The following FHIT variants were observed in gnomAD, a reference collection of about 807,000 sequenced individuals.
The protein encoded by FHIT is fragile histidine triad diadenosine triphosphatase.
In FHIT, 19 loss-of-function variants were observed where a neutral mutation model predicts 17.9. That is an observed-to-expected ratio of 1.06 (90% CI 0.74 to 1.56). The LOEUF is 1.56. FHIT is among the 40% of genes most tolerant of loss of function. The pLI is 0.00. For synonymous variants in FHIT, 81 were observed against 69.7 expected, an observed-to-expected ratio of 1.16 and a Z score of -0.81; for missense variants, 248 against 189.2, an observed-to-expected ratio of 1.31 and a Z score of -1.82.
At chr3:60,720,401 T>C (rs1211331922) in intron 4 of FHIT, among the ~76,000 whole-genome samples, 5 of 152,202 alleles carry the variant, frequency 3.3e-5, no homozygotes, top group Admixed American at 6.5e-5. Flanking sequence ...AATTAATGAA[T>C]GTTCATTCAT....
intron 8 of FHIT, among the ~76,000 whole-genome samples, chr3:59,908,259 G>A: frequency 6.6e-6 from 1 of 152,222 alleles, no homozygotes; most frequent in East Asian, 1.9e-4. Context: ...AATTCTGGTA[G>A]TACACAGCTT....
intron 1 of FHIT, among the ~76,000 whole-genome samples, chr3:61,228,678 A>C (rs893408855): frequency 3.3e-5 from 5 of 152,200 alleles, no homozygotes; most frequent in Non-Finnish European, 5.9e-5. Flanking sequence ...TCTTATCTAG[A>C]GTTCAACCTG....
chr3:60,453,470 G>A (rs996043225), intron 5 of FHIT, among the ~76,000 whole-genome samples: 1 of 152,148 alleles, frequency 6.6e-6, no homozygotes, highest in African/African-American at 2.4e-5. Context: ...CACCAGGCTA[G>A]GATGCAACAT....
intron 5 of FHIT, among the ~76,000 whole-genome samples, chr3:60,133,615 G>T (rs1699688175): frequency 6.6e-6 from 1 of 152,046 alleles, no homozygotes; most frequent in Admixed American, 6.6e-5. Flanking sequence ...CTGAGAGTGT[G>T]GGGACCAGGG....
At chr3:60,534,443 A>G (rs895145530) in intron 5 of FHIT, among the ~76,000 whole-genome samples, 1 of 100,416 alleles carries the variant, frequency 1.0e-5, no homozygotes, top group African/African-American at 3.6e-5. Context: ...CCGTCTCAAA[A>G]AAAAAAAAAA....
chr3:60,807,838 C>T (rs1265263571), intron 4 of FHIT, among the ~76,000 whole-genome samples: 1 of 117,512 alleles, frequency 8.5e-6, no homozygotes, highest in Admixed American at 8.2e-5. Flanking sequence ...GCAAATTTTA[C>T]TAAAAAAAAA....
At chr3:60,354,636 G>C (rs1213349157) in intron 5 of FHIT, among the ~76,000 whole-genome samples, 2 of 149,692 alleles carry the variant, frequency 1.3e-5, no homozygotes, top group South Asian at 2.1e-4. Flanking sequence ...TCACTGCTGA[G>C]AGTGAATATA....
intron 5 of FHIT, among the ~76,000 whole-genome samples, chr3:60,436,507 G>T (rs959650635): frequency 6.6e-6 from 1 of 152,038 alleles, no homozygotes; most frequent in African/African-American, 2.4e-5. Context: ...ACCAACAGAA[G>T]CTCTAGGCTT....
At chr3:60,886,656 G>A (rs1705235182) in intron 3 of FHIT, among the ~76,000 whole-genome samples, 2 of 152,116 alleles carry the variant, frequency 1.3e-5, no homozygotes, top group Admixed American at 6.5e-5. Flanking sequence ...GATTCCTGAA[G>A]AAACAAATTC....
At chr3:60,960,940 A>G (rs549381446) in intron 3 of FHIT, among the ~76,000 whole-genome samples, 4 of 152,224 alleles carry the variant, frequency 2.6e-5, no homozygotes, top group Non-Finnish European at 5.9e-5. Flanking sequence ...TCCTTTTGGT[A>G]AACACCCAGT....
At chr3:59,915,372 C>A (rs192268991) in intron 8 of FHIT, among the ~76,000 whole-genome samples, 1 of 152,056 alleles carries the variant, frequency 6.6e-6, no homozygotes, top group Non-Finnish European at 1.5e-5. Context: ...CACTAACATG[C>A]GATTGAACGT....
At chr3:60,923,593 C>T (rs1020398340) in intron 3 of FHIT, among the ~76,000 whole-genome samples, 1 of 152,002 alleles carries the variant, frequency 6.6e-6, no homozygotes, top group South Asian at 2.1e-4. Flanking sequence ...CCAAGATGGC[C>T]GAATAGGAAC....
In FHIT at chr3:59,956,720, T is replaced by C. The variant is rs116662878; in HGVS notation, c.280-34306A>G. ...AAAACTATGTACCTTACTTTAATCATCTGTAAAATGGGGATAAGAACAGTA... is the reference window on the plus strand; with the variant it reads ...AAAACTATGTACCTTACTTTAATCACCTGTAAAATGGGGATAAGAACAGTA... On this transcript the variant is annotated intron_variant, in intron 7 of 9. Transcript: ENST00000492590. 4.5e-3 allele frequency among the ~76,000 whole-genome samples: 688 copies of C among 152,188 alleles called. 10 individuals carry two copies. Among genetic ancestry groups the C allele is most frequent in the African/African-American group, 0.016 (659 of 41,524 alleles).
At chr3:60,076,905 A>G (rs1237208645) in intron 5 of FHIT, among the ~76,000 whole-genome samples, 1 of 151,966 alleles carries the variant, frequency 6.6e-6, no homozygotes, top group Non-Finnish European at 1.5e-5. Flanking sequence ...AGGAACATTC[A>G]TTTTCCCCAT....
At chr3:59,985,153 T>G (rs1320068028) in intron 7 of FHIT, among the ~76,000 whole-genome samples, 1 of 152,126 alleles carries the variant, frequency 6.6e-6, no homozygotes, top group Non-Finnish European at 1.5e-5. Flanking sequence ...GAGTGGGGCA[T>G]GCAGCTTCTG....
intron 4 of FHIT, among the ~76,000 whole-genome samples, chr3:60,543,285 G>A (rs756971437): frequency 3.9e-5 from 6 of 152,168 alleles, no homozygotes; most frequent in East Asian, 3.9e-4. Context: ...AGCTCCTGCT[G>A]TATCTTGTTA....
chr3:60,116,327 G>A (rs1704960561), intron 5 of FHIT, among the ~76,000 whole-genome samples: 1 of 152,148 alleles, frequency 6.6e-6, no homozygotes, highest in Non-Finnish European at 1.5e-5. Flanking sequence ...ACTTTTATAT[G>A]AAAAAGCTGG....
At chr3:61,225,887 AC>A (rs1214647694) in intron 1 of FHIT, among the ~76,000 whole-genome samples, 1 of 152,200 alleles carries the variant, frequency 6.6e-6, no homozygotes, top group African/African-American at 2.4e-5. Context: ...ACAGAACCAA[AC>A]CATTTAAGGT....
intron 5 of FHIT, among the ~76,000 whole-genome samples, chr3:60,347,025 TA>T (rs11305308): frequency 0.29 from 44,143 of 152,026 alleles, 7,289 homozygotes; most frequent in South Asian, 0.46. Context: ...TATGATTTGA[TA>T]AAAAATAGAT....
Sources: allele counts gnomAD v4.1 joint callset (sites outside exome capture counted in the v4.1 genomes callset), GRCh38; gene constraint gnomAD v4.1.1; transcripts MANE v1.5; gene names NCBI Gene and HGNC (gene_info 2026-07-23, HGNC 2026-07-21).